IL1R1: variants seen among roughly 807,000 people sequenced by gnomAD.
IL1R1 encodes the protein interleukin 1 receptor type 1.
Under a neutral mutation model 50.2 loss-of-function variants are expected in IL1R1, and 22 were observed. That is an observed-to-expected ratio of 0.44 (90% CI 0.31 to 0.63). IL1R1 has a LOEUF of 0.63. IL1R1 is among the 20% of genes least tolerant of loss of function. IL1R1 has a pLI of 0.07. For synonymous variants in IL1R1, 251 were observed against 236.7 expected (o/e 1.06, Z -0.55); for missense variants, 509 against 676.2 (o/e 0.75, Z 2.74).
At chr2:102,106,242 G>A (rs1258322721) in intron 1 of IL1R1, among the ~76,000 whole-genome samples, 1 of 152,088 alleles carries the variant, frequency 6.6e-6, no homozygotes, top group Non-Finnish European at 1.5e-5. Context: ...GTGTCTCTGT[G>A]TGTGTGTGTC....
rs199760901 is a variant in IL1R1, at chr2:102,179,499, C to T, written c.*2740C>T. The stretch of plus-strand genomic sequence containing the variant: ...AAACAAAACAAAAAACTTTTAATGC[C>T]TTCCACATTAATTAGATTTTCTTGC... On this transcript the variant is annotated 3_prime_UTR_variant, in exon 12 of 12. Coordinates refer to ENST00000410023, the MANE Select transcript of IL1R1 (RefSeq NM_000877.4). The T allele has an allele frequency of 6.6e-6, 1 of 152,630 alleles. No homozygotes were observed. The highest frequency in any genetic ancestry group is 1.5e-5 in the Non-Finnish European group (1 of 68,038). 9.5% of individuals were successfully genotyped at this position (152,630 alleles called of 1,614,324 possible).
rs1686303804 is a variant in IL1R1, at chr2:102,178,248, G to A, written c.*1489G>A. 1 of 152,382 alleles carries A rather than the reference G, an allele frequency of 6.6e-6. No homozygotes were observed. The highest frequency in any genetic ancestry group is 1.5e-5 in the Non-Finnish European group (1 of 68,070). The allele number at this position is 152,382 out of a possible 1,614,324, so 9.4% of individuals were successfully genotyped here. On this transcript the variant is annotated 3_prime_UTR_variant, in exon 12 of 12. Coordinates refer to ENST00000410023, the MANE Select transcript of IL1R1 (RefSeq NM_000877.4). The stretch of plus-strand genomic sequence containing the variant: ...CCTTCTCTCTCTGGTCAGGCCCACT[G>A]CAGAGATGGTGGTGAGCACATCTGG...
At chr2:102,160,689 C>G (rs1247176577) in intron 3 of IL1R1, among the ~76,000 whole-genome samples, 2 of 152,192 alleles carry the variant, frequency 1.3e-5, no homozygotes, top group East Asian at 3.8e-4. Flanking sequence ...GGGACAGCCT[C>G]TATGCCCAAA....
At chr2:102,106,632 C>T (rs576579288) in intron 1 of IL1R1, among the ~76,000 whole-genome samples, 209 of 152,176 alleles carry the variant, frequency 1.4e-3, no homozygotes, top group Middle Eastern at 0.01. Context: ...TAGTAAAAGA[C>T]GAGAAGTAAA....
At chr2:102,129,254 C>CCAA (rs764982167) in intron 1 of IL1R1, among the ~76,000 whole-genome samples, 2 of 85,908 alleles carry the variant, frequency 2.3e-5, no homozygotes, top group Non-Finnish European at 4.6e-5. Flanking sequence ...ACCCCAAAAA[C>CCAA]CTACAACAAC....
intron 1 of IL1R1, among the ~76,000 whole-genome samples, chr2:102,077,800 A>G (rs1679037064): frequency 6.6e-6 from 1 of 152,212 alleles, no homozygotes; most frequent in Non-Finnish European, 1.5e-5. Flanking sequence ...ACTATTTTCC[A>G]GGGTTGACCA....
rs778584842 is a variant in IL1R1, at chr2:102,176,613, G to C, written c.1564G>C (p.Gly522Arg). The change falls in exon 12 of 12, where the codon GGA becomes CGA. Residue 522 changes from glycine to arginine, a missense_variant. Transcript: ENST00000410023. The part of the protein sequence containing the change: ...AIRWSGDFTQ[G>R]PQSAKTRFWK... Reference sequence around the variant, plus strand: ...CCGCTGGTCAGGGGACTTTACACAGGGACCACAGTCTGCAAAGACAAGGTT... The same window carrying C: ...CCGCTGGTCAGGGGACTTTACACAGCGACCACAGTCTGCAAAGACAAGGTT... The C allele has an allele frequency of 1.4e-5, 22 of 1,614,096 alleles. No individual in the cohort carries two copies. Among genetic ancestry groups the C allele is most frequent in the Non-Finnish European group, 1.9e-5 (22 of 1,180,016 alleles).
intron 1 of IL1R1, among the ~76,000 whole-genome samples, chr2:102,093,126 G>A (rs1679751778): frequency 6.6e-6 from 1 of 152,136 alleles, no homozygotes; most frequent in Non-Finnish European, 1.5e-5. Flanking sequence ...TGTTATTCAA[G>A]TAACTCACGT....
chr2:102,077,429 T>G (rs1258581014), intron 1 of IL1R1, among the ~76,000 whole-genome samples: 1 of 152,224 alleles, frequency 6.6e-6, no homozygotes. Flanking sequence ...TCTAATGTGT[T>G]TTCTCAAATC....
chr2:102,112,138 G>T (rs940625848), intron 1 of IL1R1, among the ~76,000 whole-genome samples: 2 of 151,822 alleles, frequency 1.3e-5, no homozygotes, highest in African/African-American at 4.8e-5. Context: ...TGGAGAAGGG[G>T]TGGGCTCTCT....
upstream of IL1R1, among the ~76,000 whole-genome samples, chr2:102,103,821 C>A (rs938325989): frequency 6.6e-6 from 1 of 151,930 alleles, no homozygotes; most frequent in African/African-American, 2.4e-5. Flanking sequence ...TGGTGAAACC[C>A]CATCTCTACT....
intron 10 of IL1R1, 70 bp from the exon 11 acceptor site, chr2:102,175,408 T>A: frequency 1.7e-6 from 2 of 1,193,506 alleles, no homozygotes; most frequent in Non-Finnish European, 1.2e-6. Flanking sequence ...AATGAATGTT[T>A]GTGATACTGA....
chr2:102,074,417 T>G (rs758875394), intron 1 of IL1R1, among the ~76,000 whole-genome samples: 6 of 152,204 alleles, frequency 3.9e-5, no homozygotes, highest in Non-Finnish European at 8.8e-5. Flanking sequence ...CCATGTCATC[T>G]CTGGGCCTCT....
rs761492540 is a variant in IL1R1 at position 102,165,348 on chromosome 2, A to T, written c.486+44A>T. On this transcript the variant is annotated intron_variant, in intron 5 of 11. Transcript: ENST00000410023. Reference sequence around the variant, plus strand: ...TGACATTTCACTTTTCCAGAAAATAAAATAGTTCCCTGGACAATAGAATGT... The same window carrying T: ...TGACATTTCACTTTTCCAGAAAATATAATAGTTCCCTGGACAATAGAATGT... 5.3e-6 allele frequency: 6 copies of T among 1,125,532 alleles called. 1 individual carries two copies. The South Asian group carries it at 1.0e-4, about 19-fold the overall frequency. 69.7% of individuals were successfully genotyped at this position (1,125,532 alleles called of 1,614,324 possible). A position where few individuals can be genotyped will look rare whatever the true frequency, so the allele number is the denominator to read the frequency against.
At chr2:102,142,632 A>T (rs536630123), upstream of IL1R1, among the ~76,000 whole-genome samples, 11 of 151,546 alleles carry the variant, frequency 7.3e-5, no homozygotes, top group South Asian at 2.1e-4. Flanking sequence ...CTCCGGGTGG[A>T]GAGTTGGGAC....
At chr2:102,109,464 C>A (rs1166888160) in intron 1 of IL1R1, among the ~76,000 whole-genome samples, 1 of 151,874 alleles carries the variant, frequency 6.6e-6, no homozygotes, top group Non-Finnish European at 1.5e-5. Flanking sequence ...TCAGCCTGCA[C>A]CAAGTCTGTC....
chr2:102,171,407 A>G (rs945656913), intron 7 of IL1R1, among the ~76,000 whole-genome samples: 16 of 152,232 alleles, frequency 1.1e-4, no homozygotes, highest in African/African-American at 3.9e-4. Context: ...GCTATTCATT[A>G]AAATATTAAT....
intron 4 of IL1R1, 28 bp downstream of exon 4, chr2:102,165,036 C>T (rs1399431656): frequency 6.3e-7 from 1 of 1,589,116 alleles, no homozygotes. Flanking sequence ...ATGTTACAAA[C>T]ATGTTCTAGT....
At chr2:102,101,824 CT>C (rs1330793298), upstream of IL1R1, among the ~76,000 whole-genome samples, 1 of 152,196 alleles carries the variant, frequency 6.6e-6, no homozygotes, top group Non-Finnish European at 1.5e-5. Context: ...GAATTCTATA[CT>C]TTAGCATTCA....
Sources: gnomAD v4.1 joint callset for allele counts (sites outside exome capture counted in the v4.1 genomes callset) on GRCh38, gnomAD v4.1.1 for gene constraint, MANE v1.5 for transcripts, NCBI Gene and HGNC (gene_info 2026-07-23, HGNC 2026-07-21) for gene names.